NARS1: variants seen among roughly 807,000 people sequenced by gnomAD.
The protein encoded by NARS1 is asparagine--tRNA ligase, cytoplasmic.
In NARS1, 65 loss-of-function variants were observed where a neutral mutation model predicts 79.2. The ratio of observed to expected loss-of-function variants is 0.82; its 90% CI spans 0.67 to 1.01. The LOEUF (loss-of-function observed/expected upper bound fraction) is 1.01. Ranked by LOEUF, NARS1 falls within the 50% of genes least tolerant of loss-of-function variation. The pLI is 0.00. For synonymous variants in NARS1, 229 were observed against 238.8 expected, an observed-to-expected ratio of 0.96 and a Z score of 0.38; for missense variants, 649 against 673.8, an observed-to-expected ratio of 0.96 and a Z score of 0.41.
intron 2 of NARS1, among the ~76,000 whole-genome samples, chr18:57,620,042 T>C (rs1908236144): frequency 6.6e-6 from 1 of 152,168 alleles, no homozygotes; most frequent in Non-Finnish European, 1.5e-5. Context: ...CATTCAAGGA[T>C]TCTAGATCCT....
intron 2 of NARS1, among the ~76,000 whole-genome samples, chr18:57,618,146 G>C (rs1243563258): frequency 7.3e-5 from 11 of 151,470 alleles, no homozygotes; most frequent in African/African-American, 2.7e-4. Flanking sequence ...AAATTAGCCA[G>C]GCATGGTGGC....
chr18:57,619,436 G>A (rs551222784), intron 2 of NARS1, among the ~76,000 whole-genome samples: 300 of 151,804 alleles, frequency 2.0e-3, no homozygotes, highest in Admixed American at 3.8e-3. Context: ...TTATCATGTT[G>A]CCCAGGCTGT....
Position 57,615,873 on chromosome 18 carries a change from T to C in NARS1, c.196A>G (p.Ile66Val). Residue 66 changes from isoleucine to valine, a missense_variant, in exon 3 of 14, where the codon ATT (isoleucine) becomes GTT (valine). Coordinates refer to ENST00000256854, the MANE Select transcript of NARS1 (RefSeq NM_004539.4). Reference sequence around the variant, plus strand: ...TGTTCCCTATGCCACATCTTTTTAATGTTCTTCAACTGTGATTTAGAAATA... The same window carrying C: ...TGTTCCCTATGCCACATCTTTTTAACGTTCTTCAACTGTGATTTAGAAATA... ...NVISKSQLKN[I>V]KKMWHREQMK... is the part of the protein sequence containing the mutation. The C allele has an allele frequency of 1.9e-6, 3 of 1,613,614 alleles. No individual in the cohort carries two copies. Among genetic ancestry groups the C allele is most frequent in the Non-Finnish European group, 2.5e-6 (3 of 1,179,846 alleles).
chr18:57,602,812 A>G lies in NARS1; in HGVS notation c.1383T>C (p.Ser461=). 1 of 1,613,778 alleles carries G rather than the reference A, an allele frequency of 6.2e-7. No homozygotes were observed. The highest frequency in any genetic ancestry group is 8.5e-7 in the Non-Finnish European group (1 of 1,179,900). ...RCPEDSRLTE[S]VDVLMPNVGE... ...AATACTCTTTGAAACAGAAACTGAC[A>G]GATTCAGTAAGACGGGAATCCTCAG... is the stretch of plus-strand genomic sequence containing the variant. Residue 461 remains serine (S), a splice_region_variant and synonymous_variant, in exon 12 of 14, where the codon TCT becomes TCC. Transcript: ENST00000256854.
At chr18:57,610,596 A>G (rs1343505003) in intron 6 of NARS1, among the ~76,000 whole-genome samples, 2 of 152,204 alleles carry the variant, frequency 1.3e-5, no homozygotes, top group African/African-American at 2.4e-5. Flanking sequence ...CCTAACCTCC[A>G]ATTTATAAAA....
At position 57,601,544 on chromosome 18, in the gene NARS1, AAG is replaced by A; in HGVS notation, c.*106_*107del. Reference sequence around the variant, plus strand: ...TTATGGTAGTAGAAAGAAAAACAGAAAGAGAAACCCCAATGAAACAAAAAAAG... The same window carrying A: ...TTATGGTAGTAGAAAGAAAAACAGAAAGAAACCCCAATGAAACAAAAAAAG... On this transcript the variant is annotated 3_prime_UTR_variant, in exon 14 of 14. Transcript: ENST00000256854. 8.6e-7 allele frequency: 1 copy of A among 1,157,752 alleles called. No homozygotes were observed. The highest frequency in any genetic ancestry group is 1.2e-6 in the Non-Finnish European group (1 of 849,944). The allele number at this position is 1,157,752 out of a possible 1,614,324, so 71.7% of individuals were successfully genotyped here.
chr18:57,606,625 C>A lies in NARS1; in HGVS notation c.1128G>T (p.Glu376Asp), dbSNP rs1568163391. The A allele has an allele frequency of 6.2e-7, 1 of 1,613,906 alleles. No individual in the cohort carries two copies. The highest frequency in any genetic ancestry group is 8.5e-7 in the Non-Finnish European group (1 of 1,179,886). ...LKSPAGSIVH[E>D]LNPNFQPPKR... is the part of the protein sequence containing the mutation. The stretch of plus-strand genomic sequence containing the variant: ...TAAACACTGCACCTACCGGGTTGAG[C>A]TCATGCACTATGCTCCCTGCAGGTG... Residue 376 changes from glutamate to aspartate, a missense_variant, in exon 10 of 14, where the codon GAG becomes GAT. Glu to Asp is a conservative substitution (Grantham distance 45, BLOSUM62 2). Coordinates refer to ENST00000256854, the MANE Select transcript of NARS1 (RefSeq NM_004539.4).
In NARS1 at chr18:57,601,789, T is replaced by C. The variant is rs1236681761; in HGVS notation, c.1516-6A>G. On this transcript the variant is annotated splice_polypyrimidine_tract_variant and splice_region_variant and intron_variant, in intron 13 of 13. Transcript: ENST00000256854. Reference sequence around the variant, plus strand: ...GGACATGTACCGTATTTTCTCTGTTTAAAAAAAGAAAGAAAGAAAGAGGAG... The same window carrying C: ...GGACATGTACCGTATTTTCTCTGTTCAAAAAAAGAAAGAAAGAAAGAGGAG... The C allele has an allele frequency of 1.2e-6, 2 of 1,611,872 alleles. No individual in the cohort carries two copies. Among genetic ancestry groups the C allele is most frequent in the Admixed American group, 3.4e-5 (2 of 59,576 alleles).
At chr18:57,616,512 G>A (rs1220949655) in intron 2 of NARS1, among the ~76,000 whole-genome samples, 1 of 151,814 alleles carries the variant, frequency 6.6e-6, no homozygotes, top group African/African-American at 2.4e-5. Context: ...GGGTATACAC[G>A]ATACAGTTCC....
chr18:57,621,751 AG>A lies in NARS1; in HGVS notation c.-35del. The A allele has an allele frequency of 2.5e-6, 4 of 1,613,932 alleles. No individual in the cohort carries two copies. The highest frequency in any genetic ancestry group is 3.4e-6 in the Non-Finnish European group (4 of 1,180,016). On this transcript the variant is annotated 5_prime_UTR_variant, in exon 1 of 14. Transcript: ENST00000256854. ...TGGCCCTGGTCACCTCCAAGGACAC[AG>A]ACTGCAACACCGACGCCGTCTTATG... is the stretch of plus-strand genomic sequence containing the variant.
chr18:57,618,561 G>A (rs1016806069), intron 2 of NARS1, among the ~76,000 whole-genome samples: 1 of 152,150 alleles, frequency 6.6e-6, no homozygotes, highest in African/African-American at 2.4e-5. Flanking sequence ...GCAAAACGAG[G>A]CACCCGATAA....
At chr18:57,609,818 G>A (rs192958800) in intron 6 of NARS1, among the ~76,000 whole-genome samples, 31 of 152,308 alleles carry the variant, frequency 2.0e-4, no homozygotes, top group African/African-American at 7.5e-4. Flanking sequence ...CCATGAAGGA[G>A]GCTAAGTTGA....
chr18:57,618,602 G>A (rs984441351), intron 2 of NARS1, among the ~76,000 whole-genome samples: 2 of 152,080 alleles, frequency 1.3e-5, no homozygotes, highest in African/African-American at 2.4e-5. Flanking sequence ...CCTTAAGAGT[G>A]GTTAAAAAGT....
At chr18:57,621,254 CTTTTT>C (rs548152796) in intron 1 of NARS1, among the ~76,000 whole-genome samples, 2 of 139,352 alleles carry the variant, frequency 1.4e-5, no homozygotes, top group African/African-American at 2.6e-5. Flanking sequence ...AGGTCTCTCT[CTTTTT>C]TTTTTTTTTT....
chr18:57,603,462 C>T (rs941494731), intron 11 of NARS1, among the ~76,000 whole-genome samples: 7 of 152,104 alleles, frequency 4.6e-5, no homozygotes, highest in Admixed American at 3.9e-4. Flanking sequence ...GTTATGCCTT[C>T]GATGACAGAC....
intron 12 of NARS1, 52 bp downstream of exon 12, chr18:57,602,760 C>T (rs2051519634): frequency 2.5e-6 from 4 of 1,583,570 alleles, no homozygotes; most frequent in South Asian, 1.1e-5. Context: ...GATGACAGTC[C>T]CCACCCCCTT....
Position 57,615,960 on chromosome 18 carries a change from C to T in NARS1, c.109G>A (p.Gly37Arg). Residue 37 changes from glycine (G) to arginine (R), a missense_variant, in exon 3 of 14, where the codon GGG (glycine) becomes AGG (arginine). Gly to Arg is a moderately radical substitution (Grantham distance 125). Transcript: ENST00000256854. ...KTGLKALMTVGKEPFPTIYVD... is the reference protein window; with the variant it reads ...KTGLKALMTVRKEPFPTIYVD... Reference sequence around the variant, plus strand: ...TAAATGGTAGGAAATGGTTCTTTCCCTACTGTCATCAAAGCCTTGGGTAGG... The same window carrying T: ...TAAATGGTAGGAAATGGTTCTTTCCTTACTGTCATCAAAGCCTTGGGTAGG... 6.2e-7 allele frequency: 1 copy of T among 1,607,602 alleles called. No homozygotes were observed. The highest frequency in any genetic ancestry group is 1.1e-5 in the South Asian group (1 of 89,638).
rs745698197 is a variant in NARS1, at chr18:57,615,878, T to C, written c.191A>G (p.Lys64Arg). Residue 64 changes from lysine (K) to arginine (R), a missense_variant, in exon 3 of 14, where the codon AAG becomes AGG. Lys to Arg is a conservative substitution (Grantham distance 26). Coordinates refer to ENST00000256854, the MANE Select transcript of NARS1 (RefSeq NM_004539.4). ...CCTATGCCACATCTTTTTAATGTTCTTCAACTGTGATTTAGAAATAACATT... is the reference window on the plus strand; with the variant it reads ...CCTATGCCACATCTTTTTAATGTTCCTCAACTGTGATTTAGAAATAACATT... ...RWNVISKSQL[K>R]NIKKMWHREQ... 1 of 1,613,430 alleles carries C rather than the reference T, an allele frequency of 6.2e-7. No homozygotes were observed. Among genetic ancestry groups the C allele is most frequent in the Non-Finnish European group, 8.5e-7 (1 of 1,179,760 alleles).
At chr18:57,618,758 C>T (rs1362858312) in intron 2 of NARS1, among the ~76,000 whole-genome samples, 1 of 151,882 alleles carries the variant, frequency 6.6e-6, no homozygotes. Flanking sequence ...ACAAATTAAC[C>T]GCGTGTGGTG....
Sources: allele counts gnomAD v4.1 joint callset (sites outside exome capture counted in the v4.1 genomes callset), GRCh38; gene constraint gnomAD v4.1.1; transcripts MANE v1.5; gene names NCBI Gene and HGNC (gene_info 2026-07-23, HGNC 2026-07-21).